The following B3GAT2 variants were observed in gnomAD, a reference collection of about 807,000 sequenced individuals.
The protein encoded by B3GAT2 is beta-1,3-glucuronyltransferase 2.
In B3GAT2, 26 loss-of-function variants were observed where a neutral mutation model predicts 27.8. The observed-to-expected ratio is 0.93, with a 90% CI of 0.68 to 1.30. B3GAT2 has a LOEUF of 1.30. Among genes scored for constraint, B3GAT2 ranks in the 50% most tolerant of loss-of-function variants. The probability of loss-of-function intolerance (pLI) is 0.00; values close to 1 mark genes in which losing one functional copy is unlikely to be tolerated. For synonymous variants in B3GAT2, 218 were observed against 195.1 expected (o/e 1.12, Z -0.98); for missense variants, 458 against 459.0 (o/e 1.00, Z 0.02).
At chr6:70,892,201 C>T (rs1772301250) in intron 2 of B3GAT2, among the ~76,000 whole-genome samples, 1 of 152,110 alleles carries the variant, frequency 6.6e-6, no homozygotes, top group African/African-American at 2.4e-5. Flanking sequence ...TTAGAAAAAT[C>T]CAAACATTGG....
chr6:70,929,709 A>G (rs1219316111), intron 1 of B3GAT2, among the ~76,000 whole-genome samples: 1 of 152,250 alleles, frequency 6.6e-6, no homozygotes, highest in Non-Finnish European at 1.5e-5. Context: ...AAACAAATGG[A>G]AGAACATTCC....
chr6:70,945,059 A>G (rs529061649), intron 1 of B3GAT2, among the ~76,000 whole-genome samples: 2 of 152,286 alleles, frequency 1.3e-5, no homozygotes, highest in East Asian at 3.9e-4. Context: ...CATCTACACC[A>G]AAAACCCATC....
At chr6:70,943,329 G>T (rs1422595751) in intron 1 of B3GAT2, among the ~76,000 whole-genome samples, 1 of 152,152 alleles carries the variant, frequency 6.6e-6, no homozygotes, top group African/African-American at 2.4e-5. Context: ...CAACATAAGG[G>T]GTATATTGGT....
intron 1 of B3GAT2, among the ~76,000 whole-genome samples, chr6:70,951,707 T>C (rs143862826): frequency 5.1e-4 from 77 of 152,176 alleles, no homozygotes; most frequent in African/African-American, 1.7e-3. Flanking sequence ...CCAGGGAGAA[T>C]AAAGAAAACC....
At chr6:70,951,201 T>C (rs543178153) in intron 1 of B3GAT2, among the ~76,000 whole-genome samples, 3 of 152,216 alleles carry the variant, frequency 2.0e-5, no homozygotes, top group East Asian at 1.9e-4. Context: ...CAAAAAACAA[T>C]GACGACAACA....
intron 2 of B3GAT2, among the ~76,000 whole-genome samples, chr6:70,889,791 T>G (rs1562219741): frequency 6.6e-6 from 1 of 151,876 alleles, no homozygotes; most frequent in Non-Finnish European, 1.5e-5. Context: ...ACCTAATTTT[T>G]TTTTTTTTTT....
chr6:70,877,928 A>G (rs1772039991), intron 2 of B3GAT2, among the ~76,000 whole-genome samples: 2 of 152,118 alleles, frequency 1.3e-5, no homozygotes, highest in Admixed American at 1.3e-4. Flanking sequence ...CAAACCATCC[A>G]TGCTTCTCCA....
At chr6:70,926,720 G>A (rs886532225) in intron 1 of B3GAT2, among the ~76,000 whole-genome samples, 14 of 152,284 alleles carry the variant, frequency 9.2e-5, no homozygotes, top group East Asian at 5.8e-4. Context: ...TGAAAGTGAC[G>A]GGGAGAATGG....
intron 1 of B3GAT2, among the ~76,000 whole-genome samples, chr6:70,901,811 AAAATGT>A (rs1582367818): frequency 6.6e-6 from 1 of 152,210 alleles, no homozygotes; most frequent in East Asian, 1.9e-4. Flanking sequence ...ACGCATTTCA[AAAATGT>A]ATGGAGGCAG....
chr6:70,883,298 G>A (rs1458118375), intron 2 of B3GAT2, among the ~76,000 whole-genome samples: 1 of 152,158 alleles, frequency 6.6e-6, no homozygotes, highest in Non-Finnish European at 1.5e-5. Flanking sequence ...ATTATTCACA[G>A]TAGCCAAAAG....
At chr6:70,863,115 T>C (rs778295708) in intron 2 of B3GAT2, among the ~76,000 whole-genome samples, 1 of 152,366 alleles carries the variant, frequency 6.6e-6, no homozygotes, top group Middle Eastern at 3.4e-3. Context: ...TGGATCTCTT[T>C]TTCCTTAGTG....
At chr6:70,911,780 T>C (rs530306225) in intron 1 of B3GAT2, among the ~76,000 whole-genome samples, 4 of 152,300 alleles carry the variant, frequency 2.6e-5, no homozygotes, top group South Asian at 4.1e-4. Flanking sequence ...TCCACGAGCA[T>C]GGAATGAATG....
At chr6:70,950,366 A>G (rs944396949) in intron 1 of B3GAT2, among the ~76,000 whole-genome samples, 3 of 152,152 alleles carry the variant, frequency 2.0e-5, no homozygotes, top group Non-Finnish European at 4.4e-5. Context: ...CAAAGGAGAA[A>G]GCTAAGAGTT....
At chr6:70,864,061 C>CTTTTTTTTTTTTT (rs35544177) in intron 2 of B3GAT2, among the ~76,000 whole-genome samples, 1 of 129,794 alleles carries the variant, frequency 7.7e-6, no homozygotes, top group Non-Finnish European at 1.6e-5. Context: ...AAGCTTTATC[C>CTTTTTTTTTTTTT]TTTTTTTTTT....
In B3GAT2 at chr6:70,901,078, T is replaced by C. The variant is rs544221523; in HGVS notation, c.592-6806A>G. On this transcript the variant is annotated intron_variant, in intron 1 of 3. Coordinates refer to ENST00000230053, the MANE Select transcript of B3GAT2 (RefSeq NM_080742.3). ...TTGGAAGCAAGGATTCTTTCCAATT[T>C]TATTGTCCCTAAACGTGATTTTCCA... 8.2e-4 allele frequency among the ~76,000 whole-genome samples: 125 copies of C among 152,312 alleles called. 1 individual carries two copies. Among genetic ancestry groups the C allele is most frequent in the Non-Finnish European group, 1.4e-3 (98 of 68,018 alleles).
intron 2 of B3GAT2, among the ~76,000 whole-genome samples, chr6:70,882,432 T>G (rs1056653407): frequency 6.6e-6 from 1 of 151,688 alleles, no homozygotes; most frequent in African/African-American, 2.4e-5. Flanking sequence ...ACCCGGGAGG[T>G]AGAGCTTGCA....
chr6:70,904,297 G>A (rs1396415860), intron 1 of B3GAT2, among the ~76,000 whole-genome samples: 1 of 152,122 alleles, frequency 6.6e-6, no homozygotes, highest in Non-Finnish European at 1.5e-5. Flanking sequence ...CTAACATGAA[G>A]CAAACTCAGC....
chr6:70,924,307 G>A (rs1222899883), intron 1 of B3GAT2, among the ~76,000 whole-genome samples: 3 of 152,124 alleles, frequency 2.0e-5, no homozygotes, highest in African/African-American at 7.2e-5. Context: ...TGGATTGGAA[G>A]AGTTAATATT....
chr6:70,880,856 G>A (rs764162515), intron 2 of B3GAT2, among the ~76,000 whole-genome samples: 6 of 152,020 alleles, frequency 3.9e-5, no homozygotes, highest in Non-Finnish European at 7.4e-5. Context: ...AGTAGAGATG[G>A]GGTTTTACCA....
Sources: gnomAD v4.1 joint callset for allele counts (sites outside exome capture counted in the v4.1 genomes callset) on GRCh38, gnomAD v4.1.1 for gene constraint, MANE v1.5 for transcripts, NCBI Gene and HGNC (gene_info 2026-07-23, HGNC 2026-07-21) for gene names.